NRXN1: variants seen among roughly 807,000 people sequenced by gnomAD.
NRXN1 encodes the protein neurexin 1.
In NRXN1, 39 loss-of-function variants were observed where a neutral mutation model predicts 150.9. The observed-to-expected ratio is 0.26, with a 90% CI of 0.20 to 0.34. NRXN1 has a LOEUF of 0.34. Among genes scored for constraint, NRXN1 ranks in the 10% least tolerant of loss-of-function variants. The pLI is 1.00. For synonymous variants in NRXN1, 924 were observed against 757.0 expected (o/e 1.22, Z -3.62); for missense variants, 1,815 against 1,949.9 (o/e 0.93, Z 1.30).
intron 17 of NRXN1, among the ~76,000 whole-genome samples, chr2:50,398,315 C>A (rs2082173843): frequency 6.6e-6 from 1 of 152,074 alleles, no homozygotes; most frequent in South Asian, 2.1e-4. Flanking sequence ...TACTCATTAT[C>A]TTAGCATTCT....
chr2:50,059,153 A>T (rs967206759), intron 19 of NRXN1, among the ~76,000 whole-genome samples: 13 of 152,094 alleles, frequency 8.5e-5, no homozygotes, highest in Non-Finnish European at 1.5e-4. Context: ...AATGATGTTG[A>T]CCAAAAAGTC....
chr2:50,472,167 T>G, intron 16 of NRXN1, 131 bp downstream of exon 16: 1 of 633,284 alleles, frequency 1.6e-6, no homozygotes, highest in Non-Finnish European at 2.4e-6. Flanking sequence ...AATTAAAAAC[T>G]TGAATAAGGA....
chr2:50,851,398 G>C (rs1032456506), intron 5 of NRXN1, among the ~76,000 whole-genome samples: 1 of 152,206 alleles, frequency 6.6e-6, no homozygotes, highest in African/African-American at 2.4e-5. Context: ...AGTGTTTTAA[G>C]GTTTTCATAA....
chr2:50,487,697 T>C (rs6722905), intron 15 of NRXN1, among the ~76,000 whole-genome samples: 8,416 of 152,274 alleles, frequency 0.055, 812 homozygotes, highest in African/African-American at 0.19. Flanking sequence ...GCGGGGACTG[T>C]GTTATTACTG....
intron 5 of NRXN1, among the ~76,000 whole-genome samples, chr2:50,630,778 G>GA (rs1272881089): frequency 6.6e-6 from 1 of 151,506 alleles, no homozygotes; most frequent in Admixed American, 6.6e-5. Context: ...ACAAATGAAT[G>GA]AAAAAAGATA....
chr2:50,174,301 C>T (rs1047804316), intron 18 of NRXN1, among the ~76,000 whole-genome samples: 3 of 152,026 alleles, frequency 2.0e-5, no homozygotes, highest in Non-Finnish European at 4.4e-5. Context: ...TGAGTCTGGT[C>T]CAGTTATTTC....
chr2:50,090,948 T>C (rs1699476383), intron 19 of NRXN1, among the ~76,000 whole-genome samples: 1 of 152,176 alleles, frequency 6.6e-6, no homozygotes, highest in African/African-American at 2.4e-5. Context: ...AAAAAAGTGT[T>C]ATAATATTCT....
intron 9 of NRXN1, among the ~76,000 whole-genome samples, chr2:50,549,610 C>A (rs1025169213): frequency 8.5e-5 from 13 of 152,058 alleles, no homozygotes; most frequent in Non-Finnish European, 1.9e-4. Context: ...TCTGTTCTTC[C>A]CATACAGAAT....
intron 5 of NRXN1, among the ~76,000 whole-genome samples, chr2:50,754,008 T>C (rs3914733): frequency 0.51 from 74,458 of 145,048 alleles, 19,325 homozygotes; most frequent in East Asian, 0.62. Context: ...ACTAGTTTAA[T>C]AGAACAATAA....
chr2:50,637,918 CT>C (rs951951561), intron 5 of NRXN1, among the ~76,000 whole-genome samples: 2 of 151,974 alleles, frequency 1.3e-5, no homozygotes, highest in African/African-American at 4.8e-5. Flanking sequence ...ATTACCATCT[CT>C]TTTTTAGTTT....
chr2:50,553,603 A>G (rs1216602331), intron 8 of NRXN1, among the ~76,000 whole-genome samples: 1 of 152,258 alleles, frequency 6.6e-6, no homozygotes, highest in Non-Finnish European at 1.5e-5. Flanking sequence ...ATATATAACT[A>G]AGATACAGAA....
chr2:50,071,136 TC>T (rs1200323896), intron 19 of NRXN1, among the ~76,000 whole-genome samples: 1 of 152,230 alleles, frequency 6.6e-6, no homozygotes, highest in Non-Finnish European at 1.5e-5. Flanking sequence ...TTAGGCTGTG[TC>T]ATATACAAGA....
At chr2:50,450,249 G>A (rs1475246253) in intron 17 of NRXN1, among the ~76,000 whole-genome samples, 2 of 152,024 alleles carry the variant, frequency 1.3e-5, no homozygotes, top group African/African-American at 4.8e-5. Flanking sequence ...TTTCTACTTA[G>A]CCAGCACACA....
chr2:50,656,873 T>C (rs970081870), intron 5 of NRXN1, among the ~76,000 whole-genome samples: 1 of 152,040 alleles, frequency 6.6e-6, no homozygotes, highest in Non-Finnish European at 1.5e-5. Flanking sequence ...AGGAAGGCTA[T>C]CCAAGAATAT....
intron 5 of NRXN1, among the ~76,000 whole-genome samples, chr2:50,638,111 G>A (rs1021170841): frequency 6.6e-6 from 1 of 152,064 alleles, no homozygotes; most frequent in Non-Finnish European, 1.5e-5. Flanking sequence ...TGGTGCACAG[G>A]CGAAGTTGGG....
chr2:50,081,516 C>A (rs759172005), intron 19 of NRXN1, among the ~76,000 whole-genome samples: 4 of 152,174 alleles, frequency 2.6e-5, no homozygotes, highest in Non-Finnish European at 5.9e-5. Context: ...CGGGCCACTG[C>A]ACTCCAGCCC....
At chr2:49,923,358 T>A (rs1167660918) in intron 22 of NRXN1, among the ~76,000 whole-genome samples, 1 of 152,200 alleles carries the variant, frequency 6.6e-6, no homozygotes, top group East Asian at 1.9e-4. Flanking sequence ...TGAATCTCTA[T>A]CCTCTCGCTT....
chr2:50,204,713 A>G (rs1295598369), intron 18 of NRXN1, among the ~76,000 whole-genome samples: 1 of 152,076 alleles, frequency 6.6e-6, no homozygotes, highest in East Asian at 1.9e-4. Flanking sequence ...ATGGGAATAA[A>G]TGTTGGCATT....
chr2:50,146,898 A>C (rs1042687618), intron 18 of NRXN1, among the ~76,000 whole-genome samples: 1 of 151,704 alleles, frequency 6.6e-6, no homozygotes, highest in Non-Finnish European at 1.5e-5. Flanking sequence ...TATTCCTCTT[A>C]AGAATTTATT....
Sources: gnomAD v4.1 joint callset for allele counts (sites outside exome capture counted in the v4.1 genomes callset) on GRCh38, gnomAD v4.1.1 for gene constraint, MANE v1.5 for transcripts, NCBI Gene and HGNC (gene_info 2026-07-23, HGNC 2026-07-21) for gene names.